HOMER1: variants seen among roughly 807,000 people sequenced by gnomAD.
The protein encoded by HOMER1 is homer protein homolog 1.
Under a neutral mutation model 48.9 loss-of-function variants are expected in HOMER1, and 3 were observed. That is an observed-to-expected ratio of 0.06 (90% CI 0.03 to 0.16). The LOEUF is 0.16. Among genes scored for constraint, HOMER1 ranks in the 10% least tolerant of loss-of-function variants. HOMER1 has a pLI of 1.00. For missense variants in HOMER1, 247 were observed against 411.4 expected, an observed-to-expected ratio of 0.60 and a Z score of 3.46; for synonymous variants, 134 against 146.4, an observed-to-expected ratio of 0.92 and a Z score of 0.61.
chr5:79,431,343 T>C (rs907236719), intron 5 of HOMER1, among the ~76,000 whole-genome samples: 31 of 132,468 alleles, frequency 2.3e-4, no homozygotes, highest in Admixed American at 7.8e-4. Context: ...CAACACATGC[T>C]AAGTGAAAGG....
intron 5 of HOMER1, among the ~76,000 whole-genome samples, chr5:79,420,275 C>T (rs1363587223): frequency 6.6e-6 from 1 of 152,184 alleles, no homozygotes; most frequent in Non-Finnish European, 1.5e-5. Context: ...TTTATTCCAT[C>T]CCAGTCTTTA....
At chr5:79,427,412 A>G (rs1750288247) in intron 5 of HOMER1, among the ~76,000 whole-genome samples, 1 of 152,074 alleles carries the variant, frequency 6.6e-6, no homozygotes, top group East Asian at 1.9e-4. Flanking sequence ...TTTTTGGGGC[A>G]GAGTCTCGCT....
At chr5:79,483,742 G>A (rs1443565314) in intron 1 of HOMER1, among the ~76,000 whole-genome samples, 5 of 142,038 alleles carry the variant, frequency 3.5e-5, no homozygotes, top group Non-Finnish European at 6.0e-5. Flanking sequence ...AAAGATAATT[G>A]ACCGTTTAAG....
At chr5:79,420,909 T>G (rs1479309469) in intron 5 of HOMER1, among the ~76,000 whole-genome samples, 1 of 152,212 alleles carries the variant, frequency 6.6e-6, no homozygotes, top group Non-Finnish European at 1.5e-5. Context: ...TTGCTCATGC[T>G]CAGTCTGGAC....
At chr5:79,378,988 C>A (rs1314710601) in intron 8 of HOMER1, among the ~76,000 whole-genome samples, 2 of 144,494 alleles carry the variant, frequency 1.4e-5, no homozygotes, top group African/African-American at 5.2e-5. Context: ...AGAATATGTT[C>A]CTAGAGCAAG....
chr5:79,409,428 CAA>C (rs34814720), intron 5 of HOMER1, among the ~76,000 whole-genome samples: 1,676 of 119,682 alleles, frequency 0.014, 10 homozygotes, highest in African/African-American at 0.037. Flanking sequence ...CAAGACGTCT[CAA>C]AAAAAAAAAA....
intron 1 of HOMER1, among the ~76,000 whole-genome samples, chr5:79,463,423 G>A (rs181314266): frequency 1.3e-5 from 2 of 152,284 alleles, no homozygotes; most frequent in African/African-American, 4.8e-5. Flanking sequence ...TGTGAGGGGC[G>A]CATACCTGAG....
rs1753003022 is a variant in HOMER1 at position 79,513,544 on chromosome 5, C to G, written c.-770G>C. ...TGGGGGCGCAGCGCACGCCGGAGAGCTGGAGGAGGGGACCCGATCCCACCT... is the reference window on the plus strand; with the variant it reads ...TGGGGGCGCAGCGCACGCCGGAGAGGTGGAGGAGGGGACCCGATCCCACCT... On this transcript the variant is annotated 5_prime_UTR_variant, in exon 1 of 9. Transcript: ENST00000334082. 1 of 152,552 alleles carries G rather than the reference C, an allele frequency of 6.6e-6. No individual in the cohort carries two copies. Among genetic ancestry groups the G allele is most frequent in the Non-Finnish European group, 1.5e-5 (1 of 68,328 alleles). 9.4% of individuals were successfully genotyped at this position (152,552 alleles called of 1,614,324 possible).
chr5:79,411,833 G>T (rs186853652), intron 5 of HOMER1, among the ~76,000 whole-genome samples: 246 of 152,238 alleles, frequency 1.6e-3, no homozygotes, highest in Non-Finnish European at 2.9e-3. Flanking sequence ...TAAAAACAGG[G>T]TGCAGCTGGG....
At chr5:79,443,927 C>G (rs1334414660) in intron 4 of HOMER1, among the ~76,000 whole-genome samples, 1 of 152,124 alleles carries the variant, frequency 6.6e-6, no homozygotes, top group Admixed American at 6.6e-5. Context: ...TGTTAAACAA[C>G]CAAGTGTATT....
rs1753010417 is a variant in HOMER1 at position 79,513,657 on chromosome 5, T to G, written c.-883A>C. ...TCATTCGCGGCTGCCCCCTCTTCCC[T>G]CCTCTCTTCAGAGCACAGCGGGTCT... On this transcript the variant is annotated 5_prime_UTR_variant, in exon 1 of 9. Coordinates refer to ENST00000334082, the MANE Select transcript of HOMER1 (RefSeq NM_004272.5). The G allele has an allele frequency of 1.3e-5, 2 of 150,198 alleles. No homozygotes were observed. Among genetic ancestry groups the G allele is most frequent in the African/African-American group, 4.9e-5 (2 of 40,744 alleles). 9.3% of individuals were successfully genotyped at this position (150,198 alleles called of 1,614,324 possible).
intron 2 of HOMER1, among the ~76,000 whole-genome samples, chr5:79,451,466 A>C (rs759968945): frequency 4.4e-4 from 67 of 151,806 alleles, no homozygotes; most frequent in Non-Finnish European, 8.5e-4. Context: ...CACTAGAAGA[A>C]GGTAGGCCTT....
intron 8 of HOMER1, among the ~76,000 whole-genome samples, chr5:79,379,686 C>T (rs1284604798): frequency 6.6e-6 from 1 of 151,166 alleles, no homozygotes; most frequent in Non-Finnish European, 1.5e-5. Context: ...CTCAAGTGAT[C>T]GTCCTGCCGC....
At chr5:79,387,069 TTCTCTA>T (rs1251288501) in intron 8 of HOMER1, among the ~76,000 whole-genome samples, 45 of 132,354 alleles carry the variant, frequency 3.4e-4, no homozygotes, top group Admixed American at 1.8e-3. Flanking sequence ...TTTCCTTTCT[TTCTCTA>T]TCTCTCTCTC....
Position 79,396,829 on chromosome 5 carries a change from T to C in HOMER1, c.870A>G (p.Lys290=), listed in dbSNP as rs990627893. Residue 290 remains lysine, a synonymous_variant, in exon 8 of 9, where the codon AAA becomes AAG. Transcript: ENST00000334082. The part of the protein sequence containing the change: ...LQEQRDSLTQ[K]LQEVEIRNKD... ...AATTTTTACTACAGCTCACCTGTAG[T>C]TTCTGAGTCAAAGAATCCCTCTGTT... 10 of 1,589,454 alleles carry C rather than the reference T, an allele frequency of 6.3e-6. No homozygotes were observed. In the Admixed American group the frequency reaches 1.0e-4, roughly 16 times the overall value.
chr5:79,461,009 C>T (rs943153119), intron 1 of HOMER1, among the ~76,000 whole-genome samples: 1 of 152,076 alleles, frequency 6.6e-6, no homozygotes, highest in Admixed American at 6.5e-5. Flanking sequence ...CAGATGCCTA[C>T]AGGGTTTGGA....
intron 5 of HOMER1, among the ~76,000 whole-genome samples, chr5:79,410,676 C>G (rs2112233125): frequency 6.6e-6 from 1 of 151,138 alleles, no homozygotes; most frequent in East Asian, 1.9e-4. Flanking sequence ...CCATACCTCT[C>G]AATAGTTTGC....
intron 1 of HOMER1, among the ~76,000 whole-genome samples, chr5:79,475,919 A>T (rs1751763597): frequency 6.6e-6 from 1 of 152,230 alleles, no homozygotes; most frequent in African/African-American, 2.4e-5. Context: ...AACAGCAATC[A>T]TAATTATGTT....
intron 5 of HOMER1, among the ~76,000 whole-genome samples, chr5:79,408,403 AAGTTCTTTAAGTGAG>A (rs2112229600): frequency 6.6e-6 from 1 of 152,300 alleles, no homozygotes; most frequent in South Asian, 2.1e-4. Context: ...ATATTAAAGA[AAGTTCTTTAAGTGAG>A]AGTATGACCC....
Sources: allele counts gnomAD v4.1 joint callset (sites outside exome capture counted in the v4.1 genomes callset), GRCh38; gene constraint gnomAD v4.1.1; transcripts MANE v1.5; gene names NCBI Gene and HGNC (gene_info 2026-07-23, HGNC 2026-07-21).